Variants in UBA3 observed in about 807,000 individuals in gnomAD.
UBA3 encodes the protein ubiquitin like modifier activating enzyme 3.
UBA3 carries 26 observed loss-of-function variants against 73.5 expected under a neutral mutation model. The ratio of observed to expected loss-of-function variants is 0.35; its 90% CI spans 0.26 to 0.49. The LOEUF is 0.49. Ranked by LOEUF, UBA3 falls within the 20% of genes least tolerant of loss-of-function variation. The pLI is 0.98. For synonymous variants in UBA3, 217 were observed against 191.2 expected (o/e 1.13, Z -1.11); for missense variants, 495 against 555.6 (o/e 0.89, Z 1.10).
At chr3:69,079,243 G>C (rs775627954) in intron 2 of UBA3, among the ~76,000 whole-genome samples, 1 of 152,218 alleles carries the variant, frequency 6.6e-6, no homozygotes, top group African/African-American at 2.4e-5. Flanking sequence ...CAGTACGTGG[G>C]ATATGGTAAG....
chr3:69,063,606 AAGATGTTGATT>A, intron 7 of UBA3, 103 bp from the exon 8 acceptor site: 1 of 959,104 alleles, frequency 1.0e-6, no homozygotes, highest in Non-Finnish European at 1.5e-6. Flanking sequence ...ACTCTGGTGC[AAGATGTTGATT>A]AGGAAGGTAG....
At chr3:69,068,494 GAAAAAGAAAA>G (rs1202470365) in intron 5 of UBA3, among the ~76,000 whole-genome samples, 2 of 76,180 alleles carry the variant, frequency 2.6e-5, no homozygotes, top group Non-Finnish European at 2.5e-5. Context: ...GAAGCTGCAT[GAAAAAGAAAA>G]AAAAAGAAAA....
intron 11 of UBA3, among the ~76,000 whole-genome samples, chr3:69,058,142 C>G (rs11705981): frequency 0.32 from 48,923 of 151,748 alleles, 8,685 homozygotes; most frequent in Admixed American, 0.44. Flanking sequence ...GTGTTAGCCA[C>G]GATGGTCTCG....
chr3:69,058,959 T>C (rs2091999546), intron 11 of UBA3, among the ~76,000 whole-genome samples: 1 of 152,178 alleles, frequency 6.6e-6, no homozygotes, highest in Non-Finnish European at 1.5e-5. Flanking sequence ...CATATTAAAA[T>C]GGGGAGTTTA....
intron 2 of UBA3, chr3:69,079,896 AC>A: frequency 1.9e-6 from 1 of 534,444 alleles, no homozygotes; most frequent in African/African-American, 2.0e-5. Flanking sequence ...CTGGGGCAGT[AC>A]AGCCTGGCCC....
chr3:69,077,822 G>A lies in UBA3; in HGVS notation c.159C>T (p.His53=). 12 of 1,613,554 alleles carry A rather than the reference G, an allele frequency of 7.4e-6. No homozygotes were observed. The highest frequency in any genetic ancestry group is 9.3e-6 in the Non-Finnish European group (11 of 1,179,692). ...CTTCAGTGCTCGGTTCGAAATCAGG[G>A]TGTGTGAAGGGTCCAGATCGCTCGA... ...KFLERSGPFT[H]PDFEPSTESL... is the part of the protein sequence containing the mutation. The change falls in exon 3 of 18, where the codon CAC becomes CAT. Residue 53 remains histidine (H), a synonymous_variant. Transcript: ENST00000361055.
At position 69,056,024 on chromosome 3, in the gene UBA3, T is replaced by C. The variant is rs773424328; in HGVS notation, c.1224A>G (p.Gly408=). ...KSPAITATLE[G]KNRTLYLQSV... is the part of the protein sequence containing the mutation. The stretch of plus-strand genomic sequence containing the variant: ...CCTGTAAGTAAAGTGTTCTATTTTT[T>C]CCCTCTAGGGTGGCTGTGATGGCTG... The change falls in exon 16 of 18, where the codon GGA becomes GGG. Residue 408 remains glycine (G), a synonymous_variant. Coordinates refer to ENST00000361055, the MANE Select transcript of UBA3 (RefSeq NM_003968.4). 4.4e-6 allele frequency: 7 copies of C among 1,606,842 alleles called. No individual in the cohort carries two copies. The South Asian group carries it at 7.9e-5, about 18-fold the overall frequency.
intron 2 of UBA3, among the ~76,000 whole-genome samples, chr3:69,079,012 T>C (rs2092195063): frequency 6.6e-6 from 1 of 152,200 alleles, no homozygotes; most frequent in Non-Finnish European, 1.5e-5. Context: ...GTTTCTACCG[T>C]CAAATATATT....
chr3:69,078,291 T>C (rs2092185558), intron 2 of UBA3, among the ~76,000 whole-genome samples: 1 of 152,162 alleles, frequency 6.6e-6, no homozygotes, highest in South Asian at 2.1e-4. Flanking sequence ...TGTTGTTTCA[T>C]CACACTTGCA....
At chr3:69,072,434 T>C (rs2092127979) in intron 4 of UBA3, among the ~76,000 whole-genome samples, 1 of 152,222 alleles carries the variant, frequency 6.6e-6, no homozygotes, top group South Asian at 2.1e-4. Flanking sequence ...ACAGAAACTG[T>C]ACTTGTCAAG....
In UBA3 at chr3:69,062,148, A is replaced by G. The variant is rs150359494; in HGVS notation, c.725T>C (p.Met242Thr). 3 of 1,613,644 alleles carry G rather than the reference A, an allele frequency of 1.9e-6. No homozygotes were observed. The highest frequency in any genetic ancestry group is 3.3e-5 in the Admixed American group (2 of 60,026). ...VNFPMCTIAS[M>T]PRLPEHCIEY... ...AATACAGTGTTCTGGTAGCCTGGGCATAGATGCAATGGTGCACATGGGAAA... is the reference window on the plus strand; with the variant it reads ...AATACAGTGTTCTGGTAGCCTGGGCGTAGATGCAATGGTGCACATGGGAAA... The change falls in exon 10 of 18, where the codon ATG (methionine) becomes ACG (threonine). Residue 242 changes from methionine to threonine, a missense_variant. Met to Thr is a moderately conservative substitution (Grantham distance 81). Transcript: ENST00000361055.
rs1400892604 is a variant in UBA3, at chr3:69,055,363, T to A, written c.*74A>T. On this transcript the variant is annotated 3_prime_UTR_variant, in exon 18 of 18. Transcript: ENST00000361055. ...ATCGTGGCAACACTATTGCTAAAAA[T>A]GACATCGATTCAACTTCTTAGCATC... 18 of 974,794 alleles carry A rather than the reference T, an allele frequency of 1.8e-5. No homozygotes were observed. In the South Asian group the frequency reaches 3.8e-4, roughly 20 times the overall value. 60.4% of individuals were successfully genotyped at this position (974,794 alleles called of 1,614,324 possible).
chr3:69,062,263 A>T, intron 9 of UBA3, 84 bp from the exon 10 acceptor site: 1 of 870,332 alleles, frequency 1.1e-6, no homozygotes, highest in Non-Finnish European at 1.9e-6. Flanking sequence ...AGTTCTTAAC[A>T]ATTTCATACA....
Position 69,061,804 on chromosome 3 carries a change from G to C in UBA3, c.910+10C>G. On this transcript the variant is annotated intron_variant, in intron 11 of 17. Transcript: ENST00000361055. ...CCAACATCATAATTCATGACAATTT[G>C]CTGACTTACCTTGAGTGAGCCTATA... 1 of 1,536,450 alleles carries C rather than the reference G, an allele frequency of 6.5e-7. No individual in the cohort carries two copies. The highest frequency in any genetic ancestry group is 8.9e-7 in the Non-Finnish European group (1 of 1,126,790).
intron 11 of UBA3, 122 bp downstream of exon 11, chr3:69,061,692 G>C (rs1379275511): frequency 3.5e-6 from 2 of 576,404 alleles, no homozygotes; most frequent in Non-Finnish European, 3.1e-6. Context: ...TGAATTACAT[G>C]GTACCTTTAC....
In UBA3 at chr3:69,055,257, C is replaced by T. The variant is rs942749646; in HGVS notation, c.*180G>A. On this transcript the variant is annotated 3_prime_UTR_variant, in exon 18 of 18. Coordinates refer to ENST00000361055, the MANE Select transcript of UBA3 (RefSeq NM_003968.4). ...CTCATATTATTAATGAAAATGCTTA[C>T]AAGCACCAACACCAAAATTCTGTCT... 2 of 417,148 alleles carry T rather than the reference C, an allele frequency of 4.8e-6. No individual in the cohort carries two copies. Among genetic ancestry groups the T allele is most frequent in the Non-Finnish European group, 8.6e-6 (2 of 231,502 alleles). 25.8% of individuals were successfully genotyped at this position (417,148 alleles called of 1,614,324 possible).
Position 69,056,614 on chromosome 3 carries a change from T to C in UBA3, c.1081A>G (p.Lys361Glu). ...LYTYTFEAER[K>E]ENCPACSQLP... The stretch of plus-strand genomic sequence containing the variant: ...AATGTGTTCTTAATACTACTAACCT[T>C]TCTTTCTGCTTCAAATGTGTATGTA... Residue 361 changes from lysine to glutamate, a missense_variant and splice_region_variant, in exon 14 of 18, where the codon AAG becomes GAG. By Grantham distance (56) the Lys-to-Glu change is moderately conservative. Coordinates refer to ENST00000361055, the MANE Select transcript of UBA3 (RefSeq NM_003968.4). The C allele has an allele frequency of 6.2e-7, 1 of 1,607,606 alleles. No homozygotes were observed.
At chr3:69,072,833 C>T (rs193085391) in intron 4 of UBA3, among the ~76,000 whole-genome samples, 26 of 152,318 alleles carry the variant, frequency 1.7e-4, no homozygotes, top group Admixed American at 1.7e-3. Context: ...TGCAGTAACT[C>T]CATCTTTCCA....
Position 69,063,137 on chromosome 3 carries a change from T to C in UBA3, c.538A>G (p.Ile180Val), listed in dbSNP as rs199541209. ...CCATCTTCATAATTTAGAAGAGATA[T>C]CTAGGAAAACAATTTGAAGGGCTTT... ...IARRWINGML[I>V]SLLNYEDGVL... Residue 180 changes from isoleucine to valine, a missense_variant and splice_region_variant, in exon 9 of 18, where the codon ATA becomes GTA. Transcript: ENST00000361055. 12 of 1,613,564 alleles carry C rather than the reference T, an allele frequency of 7.4e-6. No individual in the cohort carries two copies. In the African/African-American group the frequency reaches 1.6e-4, roughly 22 times the overall value.
Sources: allele counts gnomAD v4.1 joint callset (sites outside exome capture counted in the v4.1 genomes callset), GRCh38; gene constraint gnomAD v4.1.1; transcripts MANE v1.5; gene names NCBI Gene and HGNC (gene_info 2026-07-23, HGNC 2026-07-21).